The following LRIG1 variants were observed in gnomAD, a reference collection of about 807,000 sequenced individuals.
LRIG1 encodes the protein leucine rich repeats and immunoglobulin like domains 1, also known as leucine-rich repeats and immunoglobulin-like domains protein 1.
LRIG1 carries 48 observed loss-of-function variants against 99.2 expected under a neutral mutation model. The ratio of observed to expected loss-of-function variants is 0.48; its 90% CI spans 0.38 to 0.62. The LOEUF (loss-of-function observed/expected upper bound fraction) is 0.62, where lower values mean the gene tolerates loss of function less well. LRIG1 is among the 20% of genes least tolerant of loss of function. The pLI is 0.00. For missense variants in LRIG1, 1,646 were observed against 1,434.4 expected, an observed-to-expected ratio of 1.15 and a Z score of -2.38; for synonymous variants, 772 against 596.1, an observed-to-expected ratio of 1.29 and a Z score of -4.30.
At position 66,421,248 on chromosome 3, in the gene LRIG1, A is replaced by G. The variant is rs141304797; in HGVS notation, c.366-3982T>C. 4.9e-3 allele frequency among the ~76,000 whole-genome samples: 740 copies of G among 152,282 alleles called. 12 individuals are homozygous for G. The highest frequency in any genetic ancestry group is 0.013 in the African/African-American group (542 of 41,552). On this transcript the variant is annotated intron_variant, in intron 3 of 18. Coordinates refer to ENST00000273261, the MANE Select transcript of LRIG1 (RefSeq NM_015541.3). ...TTTCAAAACCAATCATGCCTTCCCA[A>G]CAGTCCCCCAAAGTCTTAACTCATT... is the stretch of plus-strand genomic sequence containing the variant.
At chr3:66,445,872 A>C (rs529033667) in intron 3 of LRIG1, among the ~76,000 whole-genome samples, 3 of 152,198 alleles carry the variant, frequency 2.0e-5, no homozygotes, top group South Asian at 4.1e-4. Context: ...GTATAATCTC[A>C]CCTGTGCTTC....
intron 5 of LRIG1, 139 bp from the exon 6 acceptor site, chr3:66,413,153 G>T (rs1702522922): frequency 2.1e-6 from 2 of 930,776 alleles, no homozygotes; most frequent in Non-Finnish European, 3.3e-6. Flanking sequence ...AGGATGTGTA[G>T]GGGAGCCCAC....
chr3:66,431,927 A>C (rs1028085620), intron 3 of LRIG1, among the ~76,000 whole-genome samples: 3 of 152,248 alleles, frequency 2.0e-5, no homozygotes, highest in Non-Finnish European at 4.4e-5. Flanking sequence ...GTAGAAAAAA[A>C]GATAGGGAAT....
chr3:66,428,339 A>T (rs1176707773), intron 3 of LRIG1, among the ~76,000 whole-genome samples: 1 of 152,152 alleles, frequency 6.6e-6, no homozygotes, highest in African/African-American at 2.4e-5. Context: ...CACTGCCCTC[A>T]TATGTCCCCT....
chr3:66,471,524 G>GC (rs1158929521), intron 1 of LRIG1, among the ~76,000 whole-genome samples: 1 of 152,172 alleles, frequency 6.6e-6, no homozygotes, highest in Non-Finnish European at 1.5e-5. Flanking sequence ...ACAGCCTAGG[G>GC]CCCCAGCCGC....
chr3:66,435,061 T>G (rs1575688865), intron 3 of LRIG1, among the ~76,000 whole-genome samples: 1 of 129,236 alleles, frequency 7.7e-6, no homozygotes, highest in East Asian at 2.0e-4. Context: ...ATCGGGTGAA[T>G]GGTTAAAGTA....
chr3:66,442,976 A>C (rs73083564), intron 3 of LRIG1, among the ~76,000 whole-genome samples: 4,258 of 152,174 alleles, frequency 0.028, 92 homozygotes, highest in Non-Finnish European at 0.04. Context: ...GAAAGGAGAA[A>C]AAAGGAAAGA....
At chr3:66,430,011 A>AT (rs1186181447) in intron 3 of LRIG1, among the ~76,000 whole-genome samples, 1 of 152,244 alleles carries the variant, frequency 6.6e-6, no homozygotes, top group African/African-American at 2.4e-5. Flanking sequence ...AGTCTATCGT[A>AT]TTGACTGCTA....
chr3:66,459,197 T>C (rs1396809885), intron 2 of LRIG1, among the ~76,000 whole-genome samples: 1 of 152,134 alleles, frequency 6.6e-6, no homozygotes, highest in African/African-American at 2.4e-5. Context: ...AGTGCTCAGT[T>C]CTAGAGCTGG....
chr3:66,410,245 T>A lies in LRIG1; in HGVS notation c.819A>T (p.Glu273Asp). Reference sequence around the variant, plus strand: ...GGCCGTAGAGCGAGCCGCTGTTCACTTCTACCAGGCTGTTGTACTCCAGGT... The same window carrying A: ...GGCCGTAGAGCGAGCCGCTGTTCACATCTACCAGGCTGTTGTACTCCAGGT... ...VLHLEYNSLVEVNSGSLYGLT... is the reference protein window; with the variant it reads ...VLHLEYNSLVDVNSGSLYGLT... The change falls in exon 7 of 19, where the codon GAA becomes GAT. Residue 273 changes from glutamate (E) to aspartate (D), a missense_variant. Transcript: ENST00000273261. The A allele has an allele frequency of 1.2e-6, 2 of 1,612,592 alleles. 1 individual carries two copies. Among genetic ancestry groups the A allele is most frequent in the Middle Eastern group, 3.3e-4 (2 of 6,054 alleles).
chr3:66,409,795 C>G (rs1255953363), intron 7 of LRIG1: 1 of 230,282 alleles, frequency 4.3e-6, no homozygotes, highest in Admixed American at 5.2e-5. Context: ...AGCACTCTGC[C>G]ATAGCTGCCC....
At chr3:66,476,398 T>C (rs1433906205) in intron 1 of LRIG1, among the ~76,000 whole-genome samples, 1 of 152,116 alleles carries the variant, frequency 6.6e-6, no homozygotes. Flanking sequence ...GATAAGGGCC[T>C]AATCACAATT....
chr3:66,437,696 T>TAC (rs1703405155), intron 3 of LRIG1, among the ~76,000 whole-genome samples: 1 of 152,178 alleles, frequency 6.6e-6, no homozygotes, highest in South Asian at 2.1e-4. Flanking sequence ...GGATGCCTGC[T>TAC]ACATGCAGCT....
In LRIG1 at chr3:66,380,789, T is replaced by C. The variant is rs760417844; in HGVS notation, c.2843A>G (p.His948Arg). 6.2e-6 allele frequency: 10 copies of C among 1,613,698 alleles called. 1 individual carries two copies. In the South Asian group the frequency reaches 7.7e-5, roughly 12 times the overall value. Reference sequence around the variant, plus strand: ...GCTGTCTCTGGACACAGGCTGGGGGTGGAAGGCTTGTCCCCTGGAGTAACA... The same window carrying C: ...GCTGTCTCTGGACACAGGCTGGGGGCGGAAGGCTTGTCCCCTGGAGTAACA... ...VDCYSRGQAFHPQPVSRDSAQ... is the reference protein window; with the variant it reads ...VDCYSRGQAFRPQPVSRDSAQ... The change falls in exon 18 of 19, where the codon CAC (histidine) becomes CGC (arginine). Residue 948 changes from histidine to arginine, a missense_variant. Transcript: ENST00000273261.
At chr3:66,424,244 T>C (rs1211711573) in intron 3 of LRIG1, among the ~76,000 whole-genome samples, 1 of 149,762 alleles carries the variant, frequency 6.7e-6, no homozygotes, top group African/African-American at 2.5e-5. Context: ...CCACCCCCAC[T>C]CCCACAGCAA....
chr3:66,394,214 C>T lies in LRIG1; in HGVS notation c.1305-11G>A. The T allele has an allele frequency of 1.3e-6, 2 of 1,573,510 alleles. No individual in the cohort carries two copies. The highest frequency in any genetic ancestry group is 2.4e-5 in the South Asian group (2 of 83,030). On this transcript the variant is annotated splice_polypyrimidine_tract_variant and intron_variant, in intron 11 of 18. Coordinates refer to ENST00000273261, the MANE Select transcript of LRIG1 (RefSeq NM_015541.3). ...TCGCTGCTGATATGGCTGAAAGAAACACAACAGTGGATGCTTCAGGTGCAG... is the reference window on the plus strand; with the variant it reads ...TCGCTGCTGATATGGCTGAAAGAAATACAACAGTGGATGCTTCAGGTGCAG...
chr3:66,467,448 C>A (rs1700500074), intron 1 of LRIG1, among the ~76,000 whole-genome samples: 1 of 148,632 alleles, frequency 6.7e-6, no homozygotes, highest in South Asian at 2.1e-4. Flanking sequence ...CAAGCTCCGT[C>A]TCCTGGGTTC....
intron 3 of LRIG1, 81 bp from the exon 4 acceptor site, chr3:66,417,347 C>A (rs1431698581): frequency 1.4e-4 from 201 of 1,408,720 alleles, no homozygotes; most frequent in Non-Finnish European, 3.1e-5. Context: ...GCACCCCACC[C>A]CCCACCAATA....
At position 66,425,324 on chromosome 3, in the gene LRIG1, C is replaced by T. The variant is rs535244296; in HGVS notation, c.366-8058G>A. Among the ~76,000 whole-genome samples the T allele has an allele frequency of 9.8e-5, 15 of 152,350 alleles. No individual in the cohort carries two copies. The South Asian group carries it at 1.9e-3, about 19-fold the overall frequency. On this transcript the variant is annotated intron_variant, in intron 3 of 18. Transcript: ENST00000273261. The stretch of plus-strand genomic sequence containing the variant: ...CAGCCTGTTCTACGTAGCTTGGCCT[C>T]GGCCAGGTGGCCCAGCTCTCATACA...
Sources: allele counts gnomAD v4.1 joint callset (sites outside exome capture counted in the v4.1 genomes callset), GRCh38; gene constraint gnomAD v4.1.1; transcripts MANE v1.5; gene names NCBI Gene and HGNC (gene_info 2026-07-23, HGNC 2026-07-21).